Variants in COLEC11 observed in about 807,000 individuals in gnomAD.
COLEC11 encodes the protein collectin subfamily member 11.
Under a neutral mutation model 27.3 loss-of-function variants are expected in COLEC11, and 20 were observed. That is an observed-to-expected ratio of 0.73 (90% CI 0.51 to 1.06). COLEC11 has a LOEUF of 1.06. Among genes scored for constraint, COLEC11 ranks in the 50% least tolerant of loss-of-function variants. The pLI, the probability that COLEC11 is intolerant of heterozygous loss-of-function variation, is 0.00. For missense variants in COLEC11, 310 were observed against 383.0 expected (o/e 0.81, Z 1.59); for synonymous variants, 163 against 154.7 (o/e 1.05, Z -0.40).
At chr2:3,595,279 A>T (rs1387968325) in intron 1 of COLEC11, 111 bp downstream of exon 1, 2 of 202,932 alleles carry the variant, frequency 9.9e-6, no homozygotes, top group Non-Finnish European at 2.1e-5. Context: ...CTGCTGAGCG[A>T]GGAGGATGGG....
rs1410571870 is a variant in COLEC11, at chr2:3,623,345, A to C, written c.202+9963A>C. ...GTCCACATCACTCCCAAGTTTGGAAAGTTTTTTAGGCATTAATTCTTTAAA... is the reference window on the plus strand; with the variant it reads ...GTCCACATCACTCCCAAGTTTGGAACGTTTTTTAGGCATTAATTCTTTAAA... On this transcript the variant is annotated intron_variant, in intron 3 of 6. Transcript: ENST00000349077. Among the ~76,000 whole-genome samples, 3 of 152,242 alleles carry C rather than the reference A, an allele frequency of 2.0e-5. No homozygotes were observed. The East Asian group carries it at 5.8e-4, about 29-fold the overall frequency.
chr2:3,605,546 GGGGGAGGGGAGTCACGTGGGTGCTGAGGA>G (rs1474297623), intron 2 of COLEC11, among the ~76,000 whole-genome samples: 12 of 105,704 alleles, frequency 1.1e-4, no homozygotes, highest in South Asian at 1.1e-3. Context: ...TGGTTGATGA[GGGGGAGGGGAGTCACGTGGGTGCTGAGGA>G]GGGGAGGGGA....
At chr2:3,599,464 G>A (rs979755993) in intron 1 of COLEC11, among the ~76,000 whole-genome samples, 3 of 152,238 alleles carry the variant, frequency 2.0e-5, no homozygotes, top group Non-Finnish European at 4.4e-5. Context: ...TGGACTGGGA[G>A]CCCATGCATG....
At position 3,604,283 on chromosome 2, in the gene COLEC11, T is replaced by C. The variant is rs371641756; in HGVS notation, c.-26-32T>C. On this transcript the variant is annotated intron_variant, in intron 1 of 6. Transcript: ENST00000349077. ...TCACTGGCTGCCCGGCTGTTGCAGT[T>C]CCCATCACTGTTTATTCCTTCCTCT... 3.0e-4 allele frequency: 481 copies of C among 1,612,912 alleles called. No individual in the cohort carries two copies. The African/African-American group carries it at 5.0e-3, about 17-fold the overall frequency.
At chr2:3,603,370 G>A (rs1662382350) in intron 1 of COLEC11, 1 of 406,648 alleles carries the variant, frequency 2.5e-6, no homozygotes, top group Non-Finnish European at 4.5e-6. Flanking sequence ...AGGCTGGAGT[G>A]TAGTGGCGTG....
At chr2:3,642,163 G>A (rs982313213) in intron 5 of COLEC11, among the ~76,000 whole-genome samples, 4 of 152,198 alleles carry the variant, frequency 2.6e-5, no homozygotes, top group African/African-American at 9.6e-5. Context: ...TGCCGTCTGC[G>A]AGGCATCAGA....
intron 1 of COLEC11, among the ~76,000 whole-genome samples, chr2:3,600,596 C>G (rs7588285): frequency 0.81 from 122,959 of 152,220 alleles, 51,374 homozygotes; most frequent in African/African-American, 0.96. Context: ...GTGTAGGAAT[C>G]CTGCTTAAAC....
At chr2:3,624,330 C>A (rs61191176) in intron 3 of COLEC11, among the ~76,000 whole-genome samples, 8,671 of 152,184 alleles carry the variant, frequency 0.057, 382 homozygotes, top group African/African-American at 0.13. Flanking sequence ...GGATGGTTCA[C>A]AGGAAAGGCG....
chr2:3,632,742 A>T (rs11123561), intron 3 of COLEC11, among the ~76,000 whole-genome samples: 1 of 152,094 alleles, frequency 6.6e-6, no homozygotes, highest in Non-Finnish European at 1.5e-5. Flanking sequence ...CACACAGTCT[A>T]CCTGGGAGTA....
chr2:3,644,358 T>C lies in COLEC11; in HGVS notation c.*240T>C, dbSNP rs765634984. 17 of 682,124 alleles carry C rather than the reference T, an allele frequency of 2.5e-5. No individual in the cohort carries two copies. Among genetic ancestry groups the C allele is most frequent in the Non-Finnish European group, 2.7e-6 (1 of 374,696 alleles). The allele number at this position is 682,124 out of a possible 1,614,324, so 42.3% of individuals were successfully genotyped here. ...CATTACCTGTATTGTAGCCCCAATGTCATTATGTAATTATTACCCAGAATT... is the reference window on the plus strand; with the variant it reads ...CATTACCTGTATTGTAGCCCCAATGCCATTATGTAATTATTACCCAGAATT... On this transcript the variant is annotated 3_prime_UTR_variant, in exon 7 of 7. Transcript: ENST00000349077.
At chr2:3,620,939 T>C (rs1664138752) in intron 3 of COLEC11, among the ~76,000 whole-genome samples, 1 of 152,262 alleles carries the variant, frequency 6.6e-6, no homozygotes, top group Non-Finnish European at 1.5e-5. Flanking sequence ...AAGACTTGTT[T>C]TGTGGCCTAA....
intron 2 of COLEC11, chr2:3,606,164 T>C (rs963874144): frequency 6.4e-7 from 1 of 1,550,512 alleles, no homozygotes; most frequent in Non-Finnish European, 8.7e-7. Flanking sequence ...AGCTGGACTT[T>C]TGGCTGTGGA....
At chr2:3,608,339 C>T (rs1350869183) in intron 2 of COLEC11, among the ~76,000 whole-genome samples, 14 of 152,148 alleles carry the variant, frequency 9.2e-5, no homozygotes, top group Admixed American at 9.2e-4. Context: ...GTCATTAGAA[C>T]TTTATGTAGT....
Position 3,604,207 on chromosome 2 carries a change from C to T in COLEC11, c.-26-108C>T, listed in dbSNP as rs1244231532. Reference sequence around the variant, plus strand: ...ACCCGCCATGGGGGCCCAGACAGCCCTTCCAGGCACCAGGAGGGCTACACC... The same window carrying T: ...ACCCGCCATGGGGGCCCAGACAGCCTTTCCAGGCACCAGGAGGGCTACACC... On this transcript the variant is annotated intron_variant, in intron 1 of 6. Coordinates refer to ENST00000349077, the MANE Select transcript of COLEC11 (RefSeq NM_024027.5). 6.3e-6 allele frequency: 8 copies of T among 1,262,032 alleles called. No homozygotes were observed. In the East Asian group the frequency reaches 1.9e-4, roughly 29 times the overall value. The allele number at this position is 1,262,032 out of a possible 1,614,324, so 78.2% of individuals were successfully genotyped here. A position where few individuals can be genotyped will look rare whatever the true frequency, so the allele number is the denominator to read the frequency against.
intron 2 of COLEC11, among the ~76,000 whole-genome samples, chr2:3,611,345 G>T (rs993393253): frequency 2.0e-5 from 3 of 152,174 alleles, no homozygotes; most frequent in African/African-American, 2.4e-5. Context: ...TCTCTGCTCG[G>T]CTCTTTCCGC....
chr2:3,634,017 G>A (rs899497053), intron 3 of COLEC11, among the ~76,000 whole-genome samples: 1 of 152,244 alleles, frequency 6.6e-6, no homozygotes, highest in African/African-American at 2.4e-5. Context: ...AGACCACGGT[G>A]AGGGACACCT....
chr2:3,635,740 TC>T (rs1370248192), intron 3 of COLEC11, among the ~76,000 whole-genome samples: 2 of 152,198 alleles, frequency 1.3e-5, no homozygotes, highest in Non-Finnish European at 2.9e-5. Flanking sequence ...CATTAGGATC[TC>T]CCTCTGCCTC....
chr2:3,641,285 T>C (rs749221718), intron 5 of COLEC11: 31 of 1,303,926 alleles, frequency 2.4e-5, no homozygotes, highest in South Asian at 1.2e-5. Context: ...GCTTGGAAGG[T>C]GTGCTTGCCG....
intron 2 of COLEC11, 148 bp downstream of exon 2, chr2:3,604,618 C>A: frequency 1.1e-6 from 1 of 905,870 alleles, no homozygotes; most frequent in South Asian, 1.3e-5. Flanking sequence ...ATCTGGAAAT[C>A]AAGGGTTGGG....
Sources: allele counts gnomAD v4.1 joint callset (sites outside exome capture counted in the v4.1 genomes callset), GRCh38; gene constraint gnomAD v4.1.1; transcripts MANE v1.5; gene names NCBI Gene and HGNC (gene_info 2026-07-23, HGNC 2026-07-21).